ZNF438: variants seen among roughly 807,000 people sequenced by gnomAD.
ZNF438 encodes zinc finger protein 438.
Under a neutral mutation model 38.0 loss-of-function variants are expected in ZNF438, and 25 were observed. The ratio of observed to expected loss-of-function variants is 0.66; its 90% CI spans 0.48 to 0.92. The LOEUF (loss-of-function observed/expected upper bound fraction) is 0.92, where lower values mean the gene tolerates loss of function less well. Ranked by LOEUF, ZNF438 falls within the 40% of genes least tolerant of loss-of-function variation. The pLI, the probability that ZNF438 is intolerant of heterozygous loss-of-function variation, is 0.00. For synonymous variants in ZNF438, 372 were observed against 364.1 expected, an observed-to-expected ratio of 1.02 and a Z score of -0.25; for missense variants, 1,007 against 999.6, an observed-to-expected ratio of 1.01 and a Z score of -0.10.
At chr10:30,951,129 C>A (rs1227358663) in intron 1 of ZNF438, among the ~76,000 whole-genome samples, 2 of 149,230 alleles carry the variant, frequency 1.3e-5, no homozygotes, top group East Asian at 3.9e-4. Flanking sequence ...AGCATATAAA[C>A]AGAGCCAAAG....
At chr10:30,927,468 G>A (rs1180133511) in intron 2 of ZNF438, among the ~76,000 whole-genome samples, 3 of 152,202 alleles carry the variant, frequency 2.0e-5, no homozygotes. Context: ...GTTCCTCCCA[G>A]ACAGCAGGAT....
At chr10:30,970,414 A>C (rs575497949) in intron 1 of ZNF438, among the ~76,000 whole-genome samples, 32 of 152,302 alleles carry the variant, frequency 2.1e-4, no homozygotes, top group Admixed American at 7.8e-4. Flanking sequence ...TACTTTATGT[A>C]ATTTCGACCC....
chr10:30,861,330 A>T (rs1480193602), intron 4 of ZNF438, among the ~76,000 whole-genome samples: 1 of 152,234 alleles, frequency 6.6e-6, no homozygotes, highest in East Asian at 1.9e-4. Context: ...ATGTCTATAC[A>T]TATTCAATAT....
chr10:30,926,404 A>T (rs2044922790), intron 2 of ZNF438, among the ~76,000 whole-genome samples: 1 of 152,232 alleles, frequency 6.6e-6, no homozygotes, highest in African/African-American at 2.4e-5. Flanking sequence ...GCAGTCGCTC[A>T]CATCTGTAAT....
chr10:30,866,813 G>A (rs2036511735), intron 4 of ZNF438, among the ~76,000 whole-genome samples: 1 of 143,542 alleles, frequency 7.0e-6, no homozygotes, highest in African/African-American at 2.6e-5. Context: ...CAGCCTGAGC[G>A]ACAGAGCGAG....
intron 2 of ZNF438, among the ~76,000 whole-genome samples, chr10:30,930,165 G>C (rs551101878): frequency 4.0e-5 from 6 of 151,536 alleles, no homozygotes; most frequent in South Asian, 4.2e-4. Flanking sequence ...GGGCGGGGGT[G>C]GGGGGGGAGT....
intron 1 of ZNF438, among the ~76,000 whole-genome samples, chr10:31,005,781 A>G (rs1339285983): frequency 2.0e-5 from 3 of 152,234 alleles, no homozygotes; most frequent in Non-Finnish European, 4.4e-5. Context: ...GGTATTTACT[A>G]TTTGAACAAT....
chr10:30,883,705 C>A (rs2133853777), intron 3 of ZNF438, among the ~76,000 whole-genome samples: 1 of 152,122 alleles, frequency 6.6e-6, no homozygotes, highest in African/African-American at 2.4e-5. Context: ...CCCATCTCTA[C>A]AAAAAATACA....
At chr10:30,864,784 T>C (rs2036156403) in intron 4 of ZNF438, among the ~76,000 whole-genome samples, 1 of 152,202 alleles carries the variant, frequency 6.6e-6, no homozygotes, top group Admixed American at 6.5e-5. Flanking sequence ...GATGTGTACA[T>C]ATACACCGCC....
intron 1 of ZNF438, among the ~76,000 whole-genome samples, chr10:30,966,679 A>AG (rs1260094406): frequency 1.3e-5 from 2 of 151,542 alleles, no homozygotes; most frequent in Non-Finnish European, 2.9e-5. Flanking sequence ...CAAAAAAAAA[A>AG]AAAAAGAAAG....
chr10:30,912,387 C>T (rs1046009464), intron 2 of ZNF438, among the ~76,000 whole-genome samples: 1 of 152,108 alleles, frequency 6.6e-6, no homozygotes, highest in African/African-American at 2.4e-5. Flanking sequence ...AGAAGTCCCT[C>T]GTCTTTCCTT....
At chr10:30,864,410 C>T (rs2036085066) in intron 4 of ZNF438, among the ~76,000 whole-genome samples, 1 of 152,152 alleles carries the variant, frequency 6.6e-6, no homozygotes, top group Non-Finnish European at 1.5e-5. Context: ...GGCCTGTGAC[C>T]ATCCTGTCTA....
At chr10:31,020,657 C>T (rs1391754879) in intron 1 of ZNF438, among the ~76,000 whole-genome samples, 1 of 151,842 alleles carries the variant, frequency 6.6e-6, no homozygotes, top group East Asian at 1.9e-4. Flanking sequence ...TTTTTTATTT[C>T]TCCTTAGTAT....
intron 4 of ZNF438, among the ~76,000 whole-genome samples, chr10:30,873,785 C>A (rs953368262): frequency 7.9e-5 from 12 of 152,168 alleles, no homozygotes; most frequent in African/African-American, 2.7e-4. Context: ...GATCATTAAA[C>A]CTGCTTCTAC....
intron 3 of ZNF438, among the ~76,000 whole-genome samples, chr10:30,907,695 CTCTT>C (rs1164481232): frequency 3.3e-5 from 5 of 152,040 alleles, no homozygotes; most frequent in Admixed American, 2.6e-4. Flanking sequence ...GTGATATCCC[CTCTT>C]TCTTTGTTGA....
chr10:30,903,194 C>T (rs185236462), intron 3 of ZNF438, among the ~76,000 whole-genome samples: 279 of 152,306 alleles, frequency 1.8e-3, no homozygotes, highest in Middle Eastern at 0.01. Flanking sequence ...CACACCTCCC[C>T]GCAAGCCAAG....
exon 5 of ZNF438, chr10:30,849,222 C>A (rs747405615): frequency 3.1e-6 from 5 of 1,614,066 alleles, no homozygotes; most frequent in Non-Finnish European, 4.2e-6. Flanking sequence ...CCCTGAAATG[C>A]CAAAATTTCA....
intron 1 of ZNF438, among the ~76,000 whole-genome samples, chr10:30,981,001 A>G (rs1042680828): frequency 3.3e-5 from 5 of 152,192 alleles, no homozygotes; most frequent in African/African-American, 1.2e-4. Flanking sequence ...CAGCTGTTCA[A>G]CTACCCCATC....
chr10:30,900,754 G>A (rs1317441240), intron 3 of ZNF438, among the ~76,000 whole-genome samples: 4 of 151,914 alleles, frequency 2.6e-5, no homozygotes, highest in South Asian at 2.1e-4. Flanking sequence ...CACAACAGAA[G>A]GTAAGTACAC....
Sources: gnomAD v4.1 joint callset for allele counts (sites outside exome capture counted in the v4.1 genomes callset) on GRCh38, gnomAD v4.1.1 for gene constraint, MANE v1.5 for transcripts, NCBI Gene and HGNC (gene_info 2026-07-23, HGNC 2026-07-21) for gene names.